Variants in SHANK1 observed in about 807,000 individuals in gnomAD.
SHANK1 encodes SH3 and multiple ankyrin repeat domains 1, also known as SH3 and multiple ankyrin repeat domains protein 1.
A neutral mutation model predicts 165.6 loss-of-function variants in SHANK1; 35 were observed. The ratio of observed to expected loss-of-function variants is 0.21; its 90% CI spans 0.16 to 0.28. The LOEUF is 0.28. SHANK1 is among the 10% of genes least tolerant of loss of function. The probability of loss-of-function intolerance (pLI) is 1.00; values close to 1 mark genes in which losing one functional copy is unlikely to be tolerated. For missense variants in SHANK1, 2,681 were observed against 3,036.4 expected (o/e 0.88, Z 2.75); for synonymous variants, 1,428 against 1,384.8 (o/e 1.03, Z -0.69).
rs1036867399 is a variant in SHANK1, at chr19:50,713,697, G to T, written c.792+101C>A. ...GGCTTTGAACTGGGGACATGAGAGG[G>T]CCTATTTTTAACTGAAACCAAAGAA... On this transcript the variant is annotated intron_variant, in intron 6 of 23. Transcript: ENST00000293441. The surrounding 1 kb of genome is among the most constrained non-coding windows in gnomAD (Gnocchi z 6.2). 46 of 1,437,396 alleles carry T rather than the reference G, an allele frequency of 3.2e-5. 2 individuals are homozygous for T. The Admixed American group carries it at 8.1e-4, about 25-fold the overall frequency. The allele number at this position is 1,437,396 out of a possible 1,614,324, so 89.0% of individuals were successfully genotyped here. A position where few individuals can be genotyped will look rare whatever the true frequency, so the allele number is the denominator to read the frequency against.
Position 50,669,194 on chromosome 19 carries a change from C to T in SHANK1, c.2766G>A (p.Pro922=), listed in dbSNP as rs1428436927. 4 of 1,604,346 alleles carry T rather than the reference C, an allele frequency of 2.5e-6. No individual in the cohort carries two copies. The highest frequency in any genetic ancestry group is 1.7e-5 in the Admixed American group (1 of 59,092). ...GCTCCGGTGGGGACGTGGTGGGTGG[C>T]GGGGGAATGTCCTCCGAACCAGGCA... The part of the protein sequence containing the change: ...LSVPGSEDIP[P]PPTTSPPEPP... The change falls in exon 23 of 24, where the codon CCG becomes CCA. Residue 922 remains proline (P), a synonymous_variant. Transcript: ENST00000293441.
intron 8 of SHANK1, among the ~76,000 whole-genome samples, chr19:50,707,371 G>A (rs1010686463): frequency 1.3e-5 from 2 of 152,006 alleles, no homozygotes; most frequent in African/African-American, 2.4e-5. Context: ...CTACCCCAGC[G>A]CCCTCTGATG....
chr19:50,680,396 T>C (rs952495264), intron 21 of SHANK1, among the ~76,000 whole-genome samples: 11 of 151,910 alleles, frequency 7.2e-5, no homozygotes, highest in Admixed American at 5.9e-4. Flanking sequence ...CGTCTCAGAC[T>C]GAGAGATGAG....
intron 9 of SHANK1, 26 bp from the exon 10 acceptor site, chr19:50,704,212 C>CGGCCAG (rs2088908728): frequency 6.2e-7 from 1 of 1,611,024 alleles, no homozygotes; most frequent in Non-Finnish European, 8.5e-7. Context: ...AGAGGCAGGT[C>CGGCCAG]GGCCAGGGGG....
rs558284412 is a variant in SHANK1 at position 50,703,042 on chromosome 19, G to A, written c.1554-382C>T. 5.9e-5 allele frequency among the ~76,000 whole-genome samples: 9 copies of A among 151,566 alleles called. No individual in the cohort carries two copies. The East Asian group carries it at 1.4e-3, about 23-fold the overall frequency. ...TTGCCAGCCTCTCCCCCACTTCCTC[G>A]GGACACGCCTGGCTGGCCTTCGCCT... On this transcript the variant is annotated intron_variant, in intron 11 of 23. Coordinates refer to ENST00000293441, the MANE Select transcript of SHANK1 (RefSeq NM_016148.5).
At chr19:50,694,019 C>CCACACACACACACACACACACACA (rs398034977) in intron 15 of SHANK1, among the ~76,000 whole-genome samples, 1 of 138,618 alleles carries the variant, frequency 7.2e-6, no homozygotes, top group Admixed American at 7.1e-5. Context: ...CCAGCACACA[C>CCACACACACACACACACACACACA]CACACACACA....
At chr19:50,674,109 T>A (rs1376270725) in intron 21 of SHANK1, among the ~76,000 whole-genome samples, 3 of 151,264 alleles carry the variant, frequency 2.0e-5, no homozygotes, top group Non-Finnish European at 4.4e-5. Context: ...TTTTTTTTTT[T>A]AATGCAGAAG....
At chr19:50,709,946 AATT>A (rs2088988724) in intron 8 of SHANK1, among the ~76,000 whole-genome samples, 1 of 152,118 alleles carries the variant, frequency 6.6e-6, no homozygotes, top group Admixed American at 6.5e-5. Flanking sequence ...TAACAATGAC[AATT>A]ATTATTCTGA....
rs771564627 is a variant in SHANK1, at chr19:50,667,846, C to A, written c.4114G>T (p.Gly1372Trp). 2.5e-5 allele frequency: 32 copies of A among 1,295,242 alleles called. No homozygotes were observed. The highest frequency in any genetic ancestry group is 2.9e-6 in the Non-Finnish European group (3 of 1,025,900). 80.2% of individuals were successfully genotyped at this position (1,295,242 alleles called of 1,614,324 possible). Residue 1372 changes from glycine (G) to tryptophan (W), a missense_variant, in exon 23 of 24, where the codon GGG becomes TGG. Gly to Trp is a radical substitution (Grantham distance 184). Around this residue, in one of 10 missense-constraint regions of SHANK1, gnomAD observed 1,713 missense variants for 1,630.2 expected, o/e 1.05. Transcript: ENST00000293441. The surrounding 1 kb of genome is among the most constrained non-coding windows in gnomAD (Gnocchi z 5.7). ...RALKESSEGG[G>W]APQPPPRPPS... is the part of the protein sequence containing the mutation. ...GGCCTGGGAGGCGGCTGGGGGGCCC[C>A]GCCGCCCTCCGAGGACTCCTTCAGC...
chr19:50,660,368 G>A lies in SHANK1; in HGVS notation c.*1597C>T, dbSNP rs965081471. Reference sequence around the variant, plus strand: ...GACAGAAGAGGGAGGATGTGAGGAAGGGTGAGGGCTGGAGGCAGGGAGAGG... The same window carrying A: ...GACAGAAGAGGGAGGATGTGAGGAAAGGTGAGGGCTGGAGGCAGGGAGAGG... On this transcript the variant is annotated 3_prime_UTR_variant, in exon 24 of 24. Coordinates refer to ENST00000293441, the MANE Select transcript of SHANK1 (RefSeq NM_016148.5). Among the ~76,000 whole-genome samples, 1 of 152,042 alleles carries A rather than the reference G, an allele frequency of 6.6e-6. No individual in the cohort carries two copies. The highest frequency in any genetic ancestry group is 1.5e-5 in the Non-Finnish European group (1 of 67,988).
chr19:50,665,279 C>T (rs1261288979), intron 23 of SHANK1, among the ~76,000 whole-genome samples: 1 of 152,148 alleles, frequency 6.6e-6, no homozygotes, highest in African/African-American at 2.4e-5. Context: ...AAAAAATGGC[C>T]AGGGCCAGGC....
chr19:50,684,803 G>A (rs1302774359), intron 21 of SHANK1, among the ~76,000 whole-genome samples: 1 of 152,060 alleles, frequency 6.6e-6, no homozygotes, highest in African/African-American at 2.4e-5. Flanking sequence ...TATGCGCCTC[G>A]TGATTTTGAA....
chr19:50,689,091 G>A, intron 16 of SHANK1, 106 bp downstream of exon 16: 2 of 1,125,742 alleles, frequency 1.8e-6, no homozygotes, highest in South Asian at 2.5e-5. Flanking sequence ...CCCCGGGGTG[G>A]GGTGGTGGGC....
At position 50,667,377 on chromosome 19, in the gene SHANK1, G is replaced by C; in HGVS notation, c.4583C>G (p.Pro1528Arg). 2 of 1,529,966 alleles carry C rather than the reference G, an allele frequency of 1.3e-6. No homozygotes were observed. Among genetic ancestry groups the C allele is most frequent in the East Asian group, 2.3e-5 (1 of 43,570 alleles). The allele number at this position is 1,529,966 out of a possible 1,614,324, so 94.8% of individuals were successfully genotyped here. ...VPPPSPRRSV[P>R]PSPTSPRASE... is the part of the protein sequence containing the mutation. ...GGCCCTCGGGGAGGTCGGGGAGGGGGGCACGGACCGGCGTGGGCTGGGCGG... is the reference window on the plus strand; with the variant it reads ...GGCCCTCGGGGAGGTCGGGGAGGGGCGCACGGACCGGCGTGGGCTGGGCGG... The change falls in exon 23 of 24, where the codon CCC becomes CGC. Residue 1528 changes from proline to arginine, a missense_variant. Around this residue, in one of 10 missense-constraint regions of SHANK1, gnomAD observed 1,713 missense variants for 1,630.2 expected, o/e 1.05. Coordinates refer to ENST00000293441, the MANE Select transcript of SHANK1 (RefSeq NM_016148.5). This position sits in a 1 kb window ranked among gnomAD's most constrained non-coding sequence, Gnocchi z 5.7.
Position 50,667,212 on chromosome 19 carries a change from G to A in SHANK1, c.4748C>T (p.Pro1583Leu). 3 of 1,580,218 alleles carry A rather than the reference G, an allele frequency of 1.9e-6. No homozygotes were observed. The highest frequency in any genetic ancestry group is 2.6e-6 in the Non-Finnish European group (3 of 1,170,756). ...FSNSFEKPES[P>L]LTPGPPHPLP... is the part of the protein sequence containing the mutation. ...CGGGTGGGGAGGCCCAGGCGTGAGG[G>A]GCGACTCTGGCTTTTCGAAGCTGTT... The change falls in exon 23 of 24, where the codon CCC becomes CTC. Residue 1583 changes from proline to leucine, a missense_variant. Coordinates refer to ENST00000293441, the MANE Select transcript of SHANK1 (RefSeq NM_016148.5). This position sits in a 1 kb window ranked among gnomAD's most constrained non-coding sequence, Gnocchi z 5.7.
Position 50,666,951 on chromosome 19 carries a change from C to G in SHANK1, c.5009G>C (p.Gly1670Ala), listed in dbSNP as rs546061376. The G allele has an allele frequency of 2.0e-5, 32 of 1,597,386 alleles. No individual in the cohort carries two copies. Among genetic ancestry groups the G allele is most frequent in the Middle Eastern group, 1.7e-4 (1 of 6,020 alleles). Reference protein sequence around the residue: ...APQPGPDPPPGTDSGIEEVDS... With the variant: ...APQPGPDPPPATDSGIEEVDS... ...CACCTCCTCGATGCCAGAATCCGTG[C>G]CAGGCGGAGGGTCCGGGCCAGGCTG... The change falls in exon 23 of 24, where the codon GGC (glycine) becomes GCC (alanine). Residue 1670 changes from glycine to alanine, a missense_variant. Gly to Ala is a moderately conservative substitution (Grantham distance 60, BLOSUM62 0). Coordinates refer to ENST00000293441, the MANE Select transcript of SHANK1 (RefSeq NM_016148.5).
In SHANK1 at chr19:50,688,625, ATGTGTTGGGGACAGCTC is replaced by A. The variant is rs1212141596; in HGVS notation, c.2172+202_2172+218del. On this transcript the variant is annotated intron_variant, in intron 17 of 23. Transcript: ENST00000293441. The surrounding 1 kb of genome is among the most constrained non-coding windows in gnomAD (Gnocchi z 6.7). ...GCCTGGCCATCCCCCGGTATTGTGT[ATGTGTTGGGGACAGCTC>A]TGTGTCACTCTTTTGAGATGCCTCA... Among the ~76,000 whole-genome samples the A allele has an allele frequency of 2.6e-5, 4 of 152,166 alleles. No individual in the cohort carries two copies. Among genetic ancestry groups the A allele is most frequent in the African/African-American group, 9.6e-5 (4 of 41,516 alleles).
rs1338934094 is a variant in SHANK1 at position 50,662,581 on chromosome 19, C to A, written c.5870G>T (p.Gly1957Val). ...GGCCGCAGCGGCTGTAGGGGAGACC[C>A]CTGTTCCGGTGGGGAGTGGCGGCAG... ...PPLPPLPTGTGVSPTAAAAPG... is the reference protein window; with the variant it reads ...PPLPPLPTGTVVSPTAAAAPG... The change falls in exon 24 of 24, where the codon GGG (glycine) becomes GTG (valine). Residue 1957 changes from glycine to valine, a missense_variant. Physicochemically the swap from Gly to Val is moderately radical, Grantham distance 109. Transcript: ENST00000293441. The surrounding 1 kb of genome is among the most constrained non-coding windows in gnomAD (Gnocchi z 7.7). The A allele has an allele frequency of 3.2e-6, 5 of 1,564,914 alleles. No homozygotes were observed.
In SHANK1 at chr19:50,714,307, G is replaced by C. The variant is rs752861243; in HGVS notation, c.532-17C>G. 34 of 1,609,946 alleles carry C rather than the reference G, an allele frequency of 2.1e-5. No individual in the cohort carries two copies. Among genetic ancestry groups the C allele is most frequent in the Non-Finnish European group, 2.7e-5 (32 of 1,176,626 alleles). Reference sequence around the variant, plus strand: ...CAACCCCGTCTGAGCCATGGGCAAAGAGAGAGAAGACAGGACAGTCAGGAG... The same window carrying C: ...CAACCCCGTCTGAGCCATGGGCAAACAGAGAGAAGACAGGACAGTCAGGAG... On this transcript the variant is annotated splice_polypyrimidine_tract_variant and intron_variant, in intron 4 of 23. Coordinates refer to ENST00000293441, the MANE Select transcript of SHANK1 (RefSeq NM_016148.5).
Sources: allele counts gnomAD v4.1 joint callset (sites outside exome capture counted in the v4.1 genomes callset), GRCh38; gene constraint gnomAD v4.1.1; regional missense constraint gnomAD v4.1.1; non-coding constraint Gnocchi (gnomAD v3.1); transcripts MANE v1.5; gene names NCBI Gene and HGNC (gene_info 2026-07-23, HGNC 2026-07-21).